GPD1L: variants seen among roughly 807,000 people sequenced by gnomAD.
GPD1L encodes the protein glycerol-3-phosphate dehydrogenase 1 like.
In GPD1L, 17 loss-of-function variants were observed where a neutral mutation model predicts 32.9. The observed-to-expected ratio is 0.52, with a 90% CI of 0.35 to 0.78. The LOEUF is 0.78. GPD1L is among the 30% of genes least tolerant of loss of function. GPD1L has a pLI of 0.01. For synonymous variants in GPD1L, 187 were observed against 165.9 expected (o/e 1.13, Z -0.98); for missense variants, 361 against 447.8 (o/e 0.81, Z 1.75).
At chr3:32,130,879 G>T (rs1700578706) in intron 2 of GPD1L, among the ~76,000 whole-genome samples, 1 of 152,056 alleles carries the variant, frequency 6.6e-6, no homozygotes, top group Admixed American at 6.6e-5. Flanking sequence ...CGGGTGTAGT[G>T]GTGCACACCT....
intron 4 of GPD1L, among the ~76,000 whole-genome samples, chr3:32,144,599 C>T (rs575252371): frequency 2.0e-5 from 3 of 152,220 alleles, no homozygotes; most frequent in South Asian, 4.1e-4. Context: ...GCAACCTTCC[C>T]ACATGGCTGT....
intron 1 of GPD1L, among the ~76,000 whole-genome samples, chr3:32,119,736 T>C (rs950970347): frequency 6.6e-6 from 1 of 152,186 alleles, no homozygotes; most frequent in Non-Finnish European, 1.5e-5. Context: ...ATTGCTCTTA[T>C]GAGTGAAAAA....
intron 1 of GPD1L, among the ~76,000 whole-genome samples, chr3:32,127,337 CCCA>C (rs1220602178): frequency 6.6e-6 from 1 of 152,214 alleles, no homozygotes; most frequent in Non-Finnish European, 1.5e-5. Flanking sequence ...GGATCAAGTG[CCCA>C]CCATGGCCCC....
intron 6 of GPD1L, 86 bp from the exon 7 acceptor site, chr3:32,159,481 GA>G (rs67330075): frequency 4.2e-6 from 3 of 716,790 alleles, no homozygotes; most frequent in Non-Finnish European, 6.7e-6. Context: ...AAAAAAAAAA[GA>G]AAAAAAACAC....
intron 1 of GPD1L, among the ~76,000 whole-genome samples, chr3:32,121,077 T>C (rs1245778575): frequency 1.3e-5 from 2 of 152,114 alleles, no homozygotes; most frequent in Admixed American, 1.3e-4. Flanking sequence ...GCCTGACACC[T>C]GGTACGCACC....
intron 1 of GPD1L, among the ~76,000 whole-genome samples, chr3:32,124,076 T>C (rs1700468910): frequency 2.0e-5 from 3 of 152,150 alleles, no homozygotes; most frequent in African/African-American, 7.2e-5. Flanking sequence ...TCTTTCTTTC[T>C]TTTTTCCCAG....
Position 32,162,454 on chromosome 3 carries a change from C to T in GPD1L, c.959+2780C>T, listed in dbSNP as rs931721751. 2.2e-3 allele frequency among the ~76,000 whole-genome samples: 130 copies of T among 59,828 alleles called. 41 individuals carry two copies. Among genetic ancestry groups the T allele is most frequent in the African/African-American group, 0.013 (119 of 9,400 alleles). 39.2% of individuals were successfully genotyped at this position (59,828 alleles called of 152,430 possible). A position where few individuals can be genotyped will look rare whatever the true frequency, so the allele number is the denominator to read the frequency against. ...ACTGCGGACTGCAGTGGCGCAATCTCGGCTCACTGCAAGCTCCGCTTCCCG... is the reference window on the plus strand; with the variant it reads ...ACTGCGGACTGCAGTGGCGCAATCTTGGCTCACTGCAAGCTCCGCTTCCCG... On this transcript the variant is annotated intron_variant, in intron 7 of 7. Coordinates refer to ENST00000282541, the MANE Select transcript of GPD1L (RefSeq NM_015141.4).
chr3:32,140,500 G>C (rs755362436), intron 4 of GPD1L, 134 bp downstream of exon 4: 6 of 1,030,166 alleles, frequency 5.8e-6, no homozygotes, highest in Non-Finnish European at 8.9e-6. Context: ...GCATTCAGTG[G>C]GGCGAGGGTT....
chr3:32,145,316 C>CATAA (rs201211835), intron 4 of GPD1L, among the ~76,000 whole-genome samples: 1 of 149,396 alleles, frequency 6.7e-6, no homozygotes, highest in African/African-American at 2.5e-5. Flanking sequence ...AACTCTGTCT[C>CATAA]ATAAATAAAT....
chr3:32,160,193 A>C (rs1701056506), intron 7 of GPD1L, among the ~76,000 whole-genome samples: 1 of 138,754 alleles, frequency 7.2e-6, no homozygotes, highest in Non-Finnish European at 1.6e-5. Flanking sequence ...ATGGAATGGG[A>C]TGAAGGGATG....
chr3:32,149,781 C>G (rs535478386), intron 5 of GPD1L, among the ~76,000 whole-genome samples: 1 of 152,230 alleles, frequency 6.6e-6, no homozygotes, highest in South Asian at 2.1e-4. Context: ...AACCGCATCT[C>G]TACTAAAAAA....
At chr3:32,118,870 A>G (rs548265885) in intron 1 of GPD1L, among the ~76,000 whole-genome samples, 1 of 152,114 alleles carries the variant, frequency 6.6e-6, no homozygotes, top group Non-Finnish European at 1.5e-5. Context: ...ATTATACATT[A>G]TTTATCCTTC....
In GPD1L at chr3:32,138,803, T is replaced by C. The variant is rs1700701654; in HGVS notation, c.366+76T>C. 3 of 1,462,302 alleles carry C rather than the reference T, an allele frequency of 2.1e-6. No homozygotes were observed. The South Asian group carries it at 3.4e-5, about 17-fold the overall frequency. 90.6% of individuals were successfully genotyped at this position (1,462,302 alleles called of 1,614,324 possible). A position where few individuals can be genotyped will look rare whatever the true frequency, so the allele number is the denominator to read the frequency against. ...TCATTTCCTCACACTTTCATCTGCTTGAGATTTGGAGCTGAAGGGGAAGTT... is the reference window on the plus strand; with the variant it reads ...TCATTTCCTCACACTTTCATCTGCTCGAGATTTGGAGCTGAAGGGGAAGTT... On this transcript the variant is annotated intron_variant, in intron 3 of 7. Transcript: ENST00000282541.
At chr3:32,165,696 C>T (rs1396517810) in intron 7 of GPD1L, 118 bp from the exon 8 acceptor site, 1 of 718,024 alleles carries the variant, frequency 1.4e-6, no homozygotes, top group Non-Finnish European at 2.6e-6. Flanking sequence ...AGAAAGTGCT[C>T]ACTGTGTTTT....
intron 1 of GPD1L, among the ~76,000 whole-genome samples, chr3:32,107,725 C>T (rs918668168): frequency 1.3e-5 from 2 of 152,314 alleles, no homozygotes. Flanking sequence ...TTTACTCTTT[C>T]AAGACTTGGC....
In GPD1L at chr3:32,158,928, A is replaced by G. The variant is rs1332344958; in HGVS notation, c.671A>G (p.Asn224Ser). ...TGCGACGGCCTCCGCTGTGGAGACA[A>G]CACCAAAGCGGCCGTCATCCGCCTG... ...GFCDGLRCGDNTKAAVIRLGL... is the reference protein window; with the variant it reads ...GFCDGLRCGDSTKAAVIRLGL... Residue 224 changes from asparagine to serine, a missense_variant, in exon 6 of 8, where the codon AAC becomes AGC. By Grantham distance (46) the Asn-to-Ser change is conservative. Transcript: ENST00000282541. 10 of 1,614,014 alleles carry G rather than the reference A, an allele frequency of 6.2e-6. No individual in the cohort carries two copies. The Admixed American group carries it at 1.3e-4, about 22-fold the overall frequency.
At chr3:32,137,722 C>G (rs1032516787) in intron 2 of GPD1L, among the ~76,000 whole-genome samples, 3 of 152,230 alleles carry the variant, frequency 2.0e-5, no homozygotes, top group Non-Finnish European at 4.4e-5. Flanking sequence ...CATGCCTTCA[C>G]TTCTGCCGTG....
In GPD1L at chr3:32,115,758, C is replaced by CTTTTTTTTTTTT. The variant is rs539068850; in HGVS notation, c.47+9037_47+9048dup. Among the ~76,000 whole-genome samples the CTTTTTTTTTTTT allele has an allele frequency of 1.8e-3, 80 of 45,082 alleles. 31 individuals carry two copies. The highest frequency in any genetic ancestry group is 3.2e-3 in the Non-Finnish European group (65 of 20,536). The allele number at this position is 45,082 out of a possible 152,430, so 29.6% of individuals were successfully genotyped here. A position where few individuals can be genotyped will look rare whatever the true frequency, so the allele number is the denominator to read the frequency against. The stretch of plus-strand genomic sequence containing the variant: ...CTAAACCCTTTTCGTGTACGTTGAA[C>CTTTTTTTTTTTT]TTTTTTTTTTTTTTTTTTTTTTTTT... On this transcript the variant is annotated intron_variant, in intron 1 of 7. Transcript: ENST00000282541.
At chr3:32,160,921 T>C (rs1055207952) in intron 7 of GPD1L, among the ~76,000 whole-genome samples, 1 of 152,218 alleles carries the variant, frequency 6.6e-6, no homozygotes, top group African/African-American at 2.4e-5. Flanking sequence ...ATATTGCATG[T>C]ATCCTTAACT....
Sources: allele counts gnomAD v4.1 joint callset (sites outside exome capture counted in the v4.1 genomes callset), GRCh38; gene constraint gnomAD v4.1.1; transcripts MANE v1.5; gene names NCBI Gene and HGNC (gene_info 2026-07-23, HGNC 2026-07-21).